The following NID2 variants were observed in gnomAD, a reference collection of about 807,000 sequenced individuals.
NID2 encodes the protein nidogen-2.
A neutral mutation model predicts 145.4 loss-of-function variants in NID2; 83 were observed. The ratio of observed to expected loss-of-function variants is 0.57; its 90% confidence interval spans 0.48 to 0.69. The LOEUF (loss-of-function observed/expected upper bound fraction) is 0.69, where lower values mean the gene tolerates loss of function less well. NID2 is among the 30% of genes least tolerant of loss of function. NID2 has a pLI of 0.00. For missense variants in NID2, 1,807 were observed against 1,765.7 expected, an observed-to-expected ratio of 1.02 and a Z score of -0.42; for synonymous variants, 739 against 701.3, an observed-to-expected ratio of 1.05 and a Z score of -0.85.
Position 52,042,239 on chromosome 14 carries a change from C to T in NID2, c.1691G>A (p.Arg564Lys). The T allele has an allele frequency of 6.2e-7, 1 of 1,614,192 alleles. No homozygotes were observed. Among genetic ancestry groups the T allele is most frequent in the Non-Finnish European group, 8.5e-7 (1 of 1,180,032 alleles). The change falls in exon 7 of 22, where the codon AGA becomes AAA. Residue 564 changes from arginine (R) to lysine (K), a missense_variant. By Grantham distance (26) the Arg-to-Lys change is conservative. Coordinates refer to ENST00000216286, the MANE Select transcript of NID2 (RefSeq NM_007361.4). Reference sequence around the variant, plus strand: ...GATGTGGCTGATGGCCGTGTAGGCTCTGCCATCATTGCCCACGATATACGC... The same window carrying T: ...GATGTGGCTGATGGCCGTGTAGGCTTTGCCATCATTGCCCACGATATACGC... ...LHAYIVGNDG[R>K]AYTAISHIPQ... is the part of the protein sequence containing the mutation.
intron 12 of NID2, among the ~76,000 whole-genome samples, chr14:52,020,512 C>G (rs539552956): frequency 5.9e-5 from 9 of 152,284 alleles, no homozygotes; most frequent in African/African-American, 2.2e-4. Context: ...TTGAACTAAC[C>G]TTTAGACTAT....
intron 9 of NID2, among the ~76,000 whole-genome samples, chr14:52,030,238 C>G (rs997108259): frequency 1.3e-5 from 2 of 152,080 alleles, no homozygotes; most frequent in African/African-American, 4.8e-5. Context: ...ATTTCTAAGA[C>G]TAAACAGGAA....
Position 52,007,801 on chromosome 14 carries a change from T to G in NID2, c.3880+9A>C. On this transcript the variant is annotated intron_variant, in intron 19 of 21. Coordinates refer to ENST00000216286, the MANE Select transcript of NID2 (RefSeq NM_007361.4). Reference sequence around the variant, plus strand: ...AGGTTATCTATTTGCATTCCATCAGTAGTATTACCTGCATCTGCCCAGCAG... The same window carrying G: ...AGGTTATCTATTTGCATTCCATCAGGAGTATTACCTGCATCTGCCCAGCAG... 6.2e-7 allele frequency: 1 copy of G among 1,610,916 alleles called. No individual in the cohort carries two copies.
Position 52,027,325 on chromosome 14 carries a change from G to C in NID2, c.2550C>G (p.Asn850Lys). Reference sequence around the variant, plus strand: ...AGGTATGACTGCCATCCTCACAGGGGTTGGCAGGTGGGGTGATCACTGAAA... The same window carrying C: ...AGGTATGACTGCCATCCTCACAGGGCTTGGCAGGTGGGGTGATCACTGAAA... Reference protein sequence around the residue: ...HTCILITPPANPCEDGSHTCA... With the variant: ...HTCILITPPAKPCEDGSHTCA... The change falls in exon 12 of 22, where the codon AAC (asparagine) becomes AAG (lysine). Residue 850 changes from asparagine (N) to lysine (K), a missense_variant. Physicochemically the swap from Asn to Lys is moderately conservative, Grantham distance 94 (BLOSUM62 0). Coordinates refer to ENST00000216286, the MANE Select transcript of NID2 (RefSeq NM_007361.4). 6.3e-7 allele frequency: 1 copy of C among 1,578,854 alleles called. No individual in the cohort carries two copies. Among genetic ancestry groups the C allele is most frequent in the Non-Finnish European group, 8.6e-7 (1 of 1,164,604 alleles).
intron 14 of NID2, among the ~76,000 whole-genome samples, chr14:52,018,586 G>A (rs542549349): frequency 2.0e-5 from 3 of 152,342 alleles, no homozygotes; most frequent in Middle Eastern, 3.4e-3. Context: ...GGCTCCACTA[G>A]CAGGTGTTAT....
Position 52,007,959 on chromosome 14 carries a change from T to A in NID2, c.3731A>T (p.Tyr1244Phe). ...IAVDPIRGNL[Y>F]WTDWNREAPK... Reference sequence around the variant, plus strand: ...AGCTTCTCTATTCCAGTCTGTCCAGTACAAGTTGCTGTAAGTTAAAAATCA... The same window carrying A: ...AGCTTCTCTATTCCAGTCTGTCCAGAACAAGTTGCTGTAAGTTAAAAATCA... The change falls in exon 19 of 22, where the codon TAC becomes TTC. Residue 1244 changes from tyrosine to phenylalanine, a missense_variant. Coordinates refer to ENST00000216286, the MANE Select transcript of NID2 (RefSeq NM_007361.4). 6.3e-7 allele frequency: 1 copy of A among 1,596,876 alleles called. No homozygotes were observed.
intron 2 of NID2, among the ~76,000 whole-genome samples, chr14:52,066,358 C>T (rs1195753449): frequency 6.6e-6 from 1 of 151,632 alleles, no homozygotes; most frequent in African/African-American, 2.4e-5. Context: ...TAAGACCTAC[C>T]ATTTGATAGC....
Position 52,030,708 on chromosome 14 carries a change from G to T in NID2, c.2258-1018C>A, listed in dbSNP as rs899654116. ...GAAAAGAAAAGAAAGAAAATTAGCC[G>T]AGCATGGTGGCCCATGCTTGTAGTC... On this transcript the variant is annotated intron_variant, in intron 9 of 21. Coordinates refer to ENST00000216286, the MANE Select transcript of NID2 (RefSeq NM_007361.4). Among the ~76,000 whole-genome samples the T allele has an allele frequency of 3.3e-5, 5 of 152,024 alleles. No individual in the cohort carries two copies. In the East Asian group the frequency reaches 9.6e-4, roughly 29 times the overall value.
At chr14:52,013,042 T>C (rs1237895509) in intron 16 of NID2, among the ~76,000 whole-genome samples, 1 of 152,212 alleles carries the variant, frequency 6.6e-6, no homozygotes, top group Non-Finnish European at 1.5e-5. Flanking sequence ...TATTTGAAAA[T>C]TGAAAAGTCG....
At chr14:52,033,905 T>C (rs985758275) in intron 9 of NID2, among the ~76,000 whole-genome samples, 2 of 152,148 alleles carry the variant, frequency 1.3e-5, no homozygotes, top group Non-Finnish European at 2.9e-5. Flanking sequence ...CTGGAGCCAG[T>C]GCCTGAGTTT....
intron 9 of NID2, among the ~76,000 whole-genome samples, chr14:52,035,856 G>GTGTATATATATATATATATA (rs763855059): frequency 4.0e-4 from 26 of 65,284 alleles, no homozygotes; most frequent in African/African-American, 1.1e-3. Context: ...ATTTTTTTGT[G>GTGTATATATATATATATATA]TATATATATA....
Position 52,019,314 on chromosome 14 carries a change from G to A in NID2, c.2795-20C>T, listed in dbSNP as rs774171455. ...TGGAGTCTTCCAGGATCAAGGCAGA[G>A]GAAGACACAAAAGAGAAATAGAAGG... On this transcript the variant is annotated intron_variant, in intron 13 of 21. Transcript: ENST00000216286. 2 of 1,546,108 alleles carry A rather than the reference G, an allele frequency of 1.3e-6. No homozygotes were observed. The highest frequency in any genetic ancestry group is 1.2e-5 in the South Asian group (1 of 82,328).
chr14:52,051,207 G>A (rs189248012), intron 5 of NID2, among the ~76,000 whole-genome samples: 57 of 152,254 alleles, frequency 3.7e-4, no homozygotes, highest in Non-Finnish European at 4.7e-4. Context: ...ATGTAAAAAG[G>A]AGTGATATTT....
chr14:52,030,764 T>C (rs886992090), intron 9 of NID2, among the ~76,000 whole-genome samples: 1 of 152,152 alleles, frequency 6.6e-6, no homozygotes, highest in African/African-American at 2.4e-5. Context: ...GGCAGGAGGA[T>C]GACTTGAGCC....
intron 12 of NID2, 195 bp from the exon 13 acceptor site, chr14:52,020,373 G>A (rs141844678): frequency 2.6e-6 from 2 of 780,008 alleles, no homozygotes; most frequent in South Asian, 2.0e-5. Flanking sequence ...AAAAATCAAG[G>A]AACATGTGAG....
At chr14:52,017,285 T>C (rs1453984141) in intron 14 of NID2, among the ~76,000 whole-genome samples, 1 of 152,210 alleles carries the variant, frequency 6.6e-6, no homozygotes, top group Non-Finnish European at 1.5e-5. Context: ...TTTGCTACTT[T>C]TCAACCCAAC....
In NID2 at chr14:52,042,133, A is replaced by G; in HGVS notation, c.1797T>C (p.Pro599=). ...LFGWLFALEK[P]GSENGFSLAG... is the part of the protein sequence containing the mutation. ...CGAGGCTGAAGCCGTTCTCAGAGCCAGGTTTTTCTAAAGCAAAGAGCCAGC... is the reference window on the plus strand; with the variant it reads ...CGAGGCTGAAGCCGTTCTCAGAGCCGGGTTTTTCTAAAGCAAAGAGCCAGC... Residue 599 remains proline (P), a synonymous_variant, in exon 7 of 22, where the codon CCT becomes CCC. Transcript: ENST00000216286. 6.2e-7 allele frequency: 1 copy of G among 1,606,502 alleles called. No individual in the cohort carries two copies. The highest frequency in any genetic ancestry group is 8.5e-7 in the Non-Finnish European group (1 of 1,174,762).
At chr14:52,035,338 T>C (rs1160936165) in intron 9 of NID2, among the ~76,000 whole-genome samples, 1 of 152,238 alleles carries the variant, frequency 6.6e-6, no homozygotes, top group Non-Finnish European at 1.5e-5. Flanking sequence ...GTGTAACCTT[T>C]TCCAGAATGT....
rs959156950 is a variant in NID2 at position 52,041,961 on chromosome 14, T to A, written c.1825+144A>T. 3 of 1,006,140 alleles carry A rather than the reference T, an allele frequency of 3.0e-6. No homozygotes were observed. In the African/African-American group the frequency reaches 4.8e-5, roughly 16 times the overall value. 62.3% of individuals were successfully genotyped at this position (1,006,140 alleles called of 1,614,324 possible). ...AGGTCAAACCATTCCCAACAACCTGTGGCCAGAAAACTACACACATGTGGC... is the reference window on the plus strand; with the variant it reads ...AGGTCAAACCATTCCCAACAACCTGAGGCCAGAAAACTACACACATGTGGC... On this transcript the variant is annotated intron_variant, in intron 7 of 21. Coordinates refer to ENST00000216286, the MANE Select transcript of NID2 (RefSeq NM_007361.4).
Sources: gnomAD v4.1 joint callset for allele counts (sites outside exome capture counted in the v4.1 genomes callset) on GRCh38, gnomAD v4.1.1 for gene constraint, MANE v1.5 for transcripts, NCBI Gene and HGNC (gene_info 2026-07-23, HGNC 2026-07-21) for gene names.